The following BCAS2 variants were observed in gnomAD, a reference collection of about 807,000 sequenced individuals.
BCAS2 encodes pre-mRNA-splicing factor SPF27.
In BCAS2, 34 loss-of-function variants were observed where a neutral mutation model predicts 35.3. The ratio of observed to expected loss-of-function variants is 0.96; its 90% CI spans 0.73 to 1.28. The LOEUF (loss-of-function observed/expected upper bound fraction) is 1.28. Among genes scored for constraint, BCAS2 ranks in the 50% most tolerant of loss-of-function variants. The probability of loss-of-function intolerance (pLI) is 0.00; values close to 1 mark genes in which losing one functional copy is unlikely to be tolerated. For synonymous variants in BCAS2, 75 were observed against 91.6 expected (o/e 0.82, Z 1.03); for missense variants, 221 against 268.1 (o/e 0.82, Z 1.23).
At chr1:114,578,867 C>T (rs553529923) in intron 2 of BCAS2, among the ~76,000 whole-genome samples, 2 of 152,304 alleles carry the variant, frequency 1.3e-5, no homozygotes, top group Admixed American at 6.5e-5. Flanking sequence ...ATTAGCCTCT[C>T]TAAGCTGCAG....
chr1:114,568,507 A>AG (rs1654573371), intron 6 of BCAS2, among the ~76,000 whole-genome samples: 1 of 151,926 alleles, frequency 6.6e-6, no homozygotes, highest in Admixed American at 6.6e-5. Context: ...GCTGGATTAC[A>AG]GGCACACGCC....
At position 114,568,116 on chromosome 1, in the gene BCAS2, G is replaced by C. The variant is rs1171076191; in HGVS notation, c.*14C>G. On this transcript the variant is annotated 3_prime_UTR_variant, in exon 7 of 7. Coordinates refer to ENST00000369541, the MANE Select transcript of BCAS2 (RefSeq NM_005872.3). ...TGAAAGCCCAACTTTTCTTCTACCT[G>C]CTAAATTGTCTTTTCAGAAGTCTTG... The C allele has an allele frequency of 1.2e-6, 2 of 1,611,824 alleles. No individual in the cohort carries two copies. The highest frequency in any genetic ancestry group is 4.5e-5 in the East Asian group (2 of 44,844).
chr1:114,572,075 C>A (rs533845116), intron 4 of BCAS2, among the ~76,000 whole-genome samples: 1 of 152,150 alleles, frequency 6.6e-6, no homozygotes, highest in Non-Finnish European at 1.5e-5. Context: ...GGATCAATCA[C>A]CTACAGGGTC....
At chr1:114,574,972 C>G (rs1384298572) in intron 4 of BCAS2, among the ~76,000 whole-genome samples, 2 of 151,566 alleles carry the variant, frequency 1.3e-5, no homozygotes, top group Non-Finnish European at 2.9e-5. Flanking sequence ...CAGGTTCAAG[C>G]AATTCTCCTA....
At position 114,576,765 on chromosome 1, in the gene BCAS2, T is replaced by C. The variant is rs369965672; in HGVS notation, c.187-7A>G. 3.1e-5 allele frequency: 50 copies of C among 1,603,060 alleles called. No individual in the cohort carries two copies. The highest frequency in any genetic ancestry group is 5.0e-5 in the Admixed American group (3 of 59,472). On this transcript the variant is annotated splice_polypyrimidine_tract_variant and splice_region_variant and intron_variant, in intron 2 of 6. Coordinates refer to ENST00000369541, the MANE Select transcript of BCAS2 (RefSeq NM_005872.3). Reference sequence around the variant, plus strand: ...CATTTCTCATTATGTCAGTCTGATGTGTAAATCAGAAAAAAGATTTCTAAG... The same window carrying C: ...CATTTCTCATTATGTCAGTCTGATGCGTAAATCAGAAAAAAGATTTCTAAG...
intron 4 of BCAS2, among the ~76,000 whole-genome samples, chr1:114,571,360 T>C (rs1190190305): frequency 6.6e-6 from 1 of 151,482 alleles, no homozygotes; most frequent in African/African-American, 2.4e-5. Context: ...TGTACCCAGC[T>C]TTTTTTTGCG....
rs149406872 is a variant in BCAS2 at position 114,580,609 on chromosome 1, C to A, written c.186+690G>T. ...TCACTGTATTGTATTTTTCTGTATT[C>A]AGAAACCCTATCTTTTTTGGAGAGG... On this transcript the variant is annotated intron_variant, in intron 2 of 6. Coordinates refer to ENST00000369541, the MANE Select transcript of BCAS2 (RefSeq NM_005872.3). Among the ~76,000 whole-genome samples the A allele has an allele frequency of 9.0e-4, 137 of 152,030 alleles. 1 individual carries two copies. The highest frequency in any genetic ancestry group is 3.0e-3 in the African/African-American group (125 of 41,480).
At chr1:114,579,737 G>C (rs1040542739) in intron 2 of BCAS2, among the ~76,000 whole-genome samples, 1 of 151,914 alleles carries the variant, frequency 6.6e-6, no homozygotes, top group African/African-American at 2.4e-5. Flanking sequence ...ATGGTGGCAG[G>C]CACCTGCAAT....
intron 4 of BCAS2, among the ~76,000 whole-genome samples, chr1:114,573,536 C>T (rs1654694528): frequency 6.6e-6 from 1 of 152,122 alleles, no homozygotes; most frequent in Admixed American, 6.6e-5. Flanking sequence ...GGCAATGCCC[C>T]ATCTCTTAAC....
intron 2 of BCAS2, 69 bp downstream of exon 2, chr1:114,581,230 T>C: frequency 3.3e-6 from 5 of 1,527,190 alleles, no homozygotes; most frequent in Non-Finnish European, 4.5e-6. Context: ...AACTGGAATT[T>C]AAAGCTCTCA....
rs189166261 is a variant in BCAS2 at position 114,579,300 on chromosome 1, C to T, written c.186+1999G>A. ...AAGAAAGGATTAAATAATCAGTAAA[C>T]TAATTACAGGAGAATCACTTGAACC... is the stretch of plus-strand genomic sequence containing the variant. On this transcript the variant is annotated intron_variant, in intron 2 of 6. Coordinates refer to ENST00000369541, the MANE Select transcript of BCAS2 (RefSeq NM_005872.3). Among the ~76,000 whole-genome samples, 254 of 151,976 alleles carry T rather than the reference C, an allele frequency of 1.7e-3. 1 individual carries two copies. The highest frequency in any genetic ancestry group is 0.014 in the Middle Eastern group (4 of 294).
Position 114,581,149 on chromosome 1 carries a change from T to C in BCAS2, c.186+150A>G, listed in dbSNP as rs573175970. On this transcript the variant is annotated intron_variant, in intron 2 of 6. Coordinates refer to ENST00000369541, the MANE Select transcript of BCAS2 (RefSeq NM_005872.3). Reference sequence around the variant, plus strand: ...GAATAAGAACCTCGGAGAAGACTTATCTATCTAGTTGTTTTCAATAGACTG... The same window carrying C: ...GAATAAGAACCTCGGAGAAGACTTACCTATCTAGTTGTTTTCAATAGACTG... 4.5e-5 allele frequency: 35 copies of C among 769,798 alleles called. No homozygotes were observed. The South Asian group carries it at 5.4e-4, about 12-fold the overall frequency. The allele number at this position is 769,798 out of a possible 1,614,324, so 47.7% of individuals were successfully genotyped here.
At position 114,581,377 on chromosome 1, in the gene BCAS2, C is replaced by CA; in HGVS notation, c.107dup (p.Glu37GlyfsTer11). 1 of 1,614,154 alleles carries CA rather than the reference C, an allele frequency of 6.2e-7. No homozygotes were observed. The highest frequency in any genetic ancestry group is 8.5e-7 in the Non-Finnish European group (1 of 1,180,016). ...GTCGGTATCTGCGAGTTTCCTCCTC[C>CA]ACCAGCGCTGCAGCCTAAGAAAGAG... On this transcript the variant is annotated frameshift_variant, in exon 2 of 7. Coordinates refer to ENST00000369541, the MANE Select transcript of BCAS2 (RefSeq NM_005872.3). LOFTEE classifies it high-confidence loss of function.
chr1:114,575,886 T>G lies in BCAS2; in HGVS notation c.258-135A>C, dbSNP rs1391813420. ...ACTAAGGATGTAAACCTTGCAATAA[T>G]AAGAAACCGATATATGCTAACAATC... On this transcript the variant is annotated intron_variant, in intron 3 of 6. Transcript: ENST00000369541. The G allele has an allele frequency of 4.3e-6, 4 of 921,638 alleles. No individual in the cohort carries two copies. In the Admixed American group the frequency reaches 1.1e-4, roughly 25 times the overall value. 57.1% of individuals were successfully genotyped at this position (921,638 alleles called of 1,614,324 possible).
At position 114,567,721 on chromosome 1, in the gene BCAS2, T is replaced by C. The variant is rs547776546; in HGVS notation, c.*409A>G. 2 of 160,954 alleles carry C rather than the reference T, an allele frequency of 1.2e-5. No individual in the cohort carries two copies. Among genetic ancestry groups the C allele is most frequent in the Admixed American group, 6.1e-5 (1 of 16,476 alleles). The allele number at this position is 160,954 out of a possible 1,614,324, so 10.0% of individuals were successfully genotyped here. ...TACAGTCACTGTCTTTCTGAAGTTGTTTGGTGATCAAGAATGTGTTTAGAA... is the reference window on the plus strand; with the variant it reads ...TACAGTCACTGTCTTTCTGAAGTTGCTTGGTGATCAAGAATGTGTTTAGAA... On this transcript the variant is annotated 3_prime_UTR_variant, in exon 7 of 7. Transcript: ENST00000369541.
At chr1:114,568,368 C>CATT in intron 6 of BCAS2, 112 bp from the exon 7 acceptor site, 1 of 876,350 alleles carries the variant, frequency 1.1e-6, no homozygotes, top group Non-Finnish European at 1.6e-6. Flanking sequence ...CTAACCTTCA[C>CATT]TTTTTTTTTT....
At chr1:114,571,948 G>C (rs1262483923) in intron 4 of BCAS2, among the ~76,000 whole-genome samples, 1 of 152,128 alleles carries the variant, frequency 6.6e-6, no homozygotes, top group South Asian at 2.1e-4. Context: ...ATAATACAGA[G>C]TACCATATAA....
chr1:114,577,074 C>T (rs1378524457), intron 2 of BCAS2, among the ~76,000 whole-genome samples: 9 of 152,174 alleles, frequency 5.9e-5, no homozygotes, highest in Non-Finnish European at 1.2e-4. Flanking sequence ...TTTGTCCCCT[C>T]TGAAATTCAT....
chr1:114,574,509 T>C (rs534903659), intron 4 of BCAS2, among the ~76,000 whole-genome samples: 1 of 152,358 alleles, frequency 6.6e-6, no homozygotes, highest in African/African-American at 2.4e-5. Context: ...GAGAGATATG[T>C]ATATGTGTGC....
Sources: allele counts gnomAD v4.1 joint callset (sites outside exome capture counted in the v4.1 genomes callset), GRCh38; gene constraint gnomAD v4.1.1; transcripts MANE v1.5; gene names NCBI Gene and HGNC (gene_info 2026-07-23, HGNC 2026-07-21).